Variants in TMEM178B observed in about 807,000 individuals in gnomAD.
TMEM178B encodes transmembrane protein 178B.
Under a neutral mutation model 31.0 loss-of-function variants are expected in TMEM178B, and 5 were observed. That is an observed-to-expected ratio of 0.16 (90% CI 0.08 to 0.34). The LOEUF (loss-of-function observed/expected upper bound fraction) is 0.34. Ranked by LOEUF, TMEM178B falls within the 10% of genes least tolerant of loss-of-function variation. The pLI is 1.00. For synonymous variants in TMEM178B, 164 were observed against 164.0 expected (o/e 1.00, Z 0.00); for missense variants, 275 against 400.3 (o/e 0.69, Z 2.67).
chr7:141,404,809 C>A (rs1361138186), intron 2 of TMEM178B, among the ~76,000 whole-genome samples: 2 of 152,184 alleles, frequency 1.3e-5, no homozygotes, highest in African/African-American at 4.8e-5. Context: ...AAGTTTCCTG[C>A]CTTTTCTGAG....
At chr7:141,379,313 A>G (rs1469999844) in intron 2 of TMEM178B, among the ~76,000 whole-genome samples, 1 of 147,294 alleles carries the variant, frequency 6.8e-6, no homozygotes, top group Non-Finnish European at 1.5e-5. Flanking sequence ...CTAAAAAAAA[A>G]AAAAAAATTA....
chr7:141,445,564 A>G (rs1026497525), intron 3 of TMEM178B, among the ~76,000 whole-genome samples: 45 of 152,240 alleles, frequency 3.0e-4, no homozygotes, highest in Admixed American at 2.0e-3. Flanking sequence ...AGGAGGCATT[A>G]TATCTCAAAC....
chr7:141,376,072 T>C (rs535662187), intron 2 of TMEM178B, among the ~76,000 whole-genome samples: 1 of 152,228 alleles, frequency 6.6e-6, no homozygotes, highest in African/African-American at 2.4e-5. Context: ...GCCTTCAGCA[T>C]TTGTCTCCCT....
intron 1 of TMEM178B, among the ~76,000 whole-genome samples, chr7:141,088,135 T>C (rs1337452908): frequency 6.6e-6 from 1 of 152,150 alleles, no homozygotes; most frequent in Non-Finnish European, 1.5e-5. Context: ...CCTTCCACTT[T>C]GGAAAAGCCT....
chr7:141,136,400 A>C (rs1795675778), intron 1 of TMEM178B, among the ~76,000 whole-genome samples: 1 of 152,172 alleles, frequency 6.6e-6, no homozygotes, highest in Non-Finnish European at 1.5e-5. Context: ...AAGACATAAG[A>C]CTAAAACTAT....
intron 1 of TMEM178B, among the ~76,000 whole-genome samples, chr7:141,100,328 TTTGA>T (rs1282361773): frequency 1.9e-4 from 29 of 152,162 alleles, no homozygotes; most frequent in African/African-American, 6.8e-4. Flanking sequence ...CTTTGGAACT[TTTGA>T]TTGAGTGGTC....
intron 2 of TMEM178B, among the ~76,000 whole-genome samples, chr7:141,242,222 T>G (rs1797634777): frequency 6.6e-6 from 1 of 152,192 alleles, no homozygotes; most frequent in African/African-American, 2.4e-5. Flanking sequence ...CAAACAAAGT[T>G]GTGTTTAGTG....
intron 1 of TMEM178B, among the ~76,000 whole-genome samples, chr7:141,111,001 G>C (rs537743141): frequency 6.6e-6 from 1 of 152,356 alleles, no homozygotes; most frequent in African/African-American, 2.4e-5. Flanking sequence ...TTCCAGAAAT[G>C]AGAGGAAGTA....
chr7:141,217,939 A>C (rs1033900177), intron 2 of TMEM178B, among the ~76,000 whole-genome samples: 1 of 152,056 alleles, frequency 6.6e-6, no homozygotes, highest in African/African-American at 2.4e-5. Flanking sequence ...AGAAACCCAG[A>C]GGTGTTTTTT....
intron 2 of TMEM178B, among the ~76,000 whole-genome samples, chr7:141,258,847 C>T (rs1797970220): frequency 6.6e-6 from 1 of 152,106 alleles, no homozygotes; most frequent in South Asian, 2.1e-4. Flanking sequence ...TTATTGTTCT[C>T]CTATATATAT....
At chr7:141,134,614 A>T (rs937782924) in intron 1 of TMEM178B, among the ~76,000 whole-genome samples, 18 of 152,234 alleles carry the variant, frequency 1.2e-4, no homozygotes, top group African/African-American at 4.1e-4. Context: ...GAAAGAAAGG[A>T]ACAAAGAATA....
chr7:141,409,669 A>G (rs1800945393), intron 2 of TMEM178B, among the ~76,000 whole-genome samples: 1 of 151,938 alleles, frequency 6.6e-6, no homozygotes, highest in Non-Finnish European at 1.5e-5. Flanking sequence ...TTCAAGAAAG[A>G]GAACAGCAAG....
intron 1 of TMEM178B, among the ~76,000 whole-genome samples, chr7:141,125,100 CA>C (rs904898340): frequency 1.3e-5 from 2 of 152,182 alleles, no homozygotes; most frequent in Admixed American, 1.3e-4. Flanking sequence ...AAAAATGCTT[CA>C]AGAGAATGTC....
chr7:141,207,453 C>T (rs1364978614), intron 1 of TMEM178B, among the ~76,000 whole-genome samples: 1 of 152,132 alleles, frequency 6.6e-6, no homozygotes, highest in African/African-American at 2.4e-5. Flanking sequence ...ATATGATTTA[C>T]TTATTTATTT....
In TMEM178B at chr7:141,338,027, T is replaced by C. The variant is rs150366442; in HGVS notation, c.497-99581T>C. Among the ~76,000 whole-genome samples the C allele has an allele frequency of 9.1e-3, 1,387 of 152,204 alleles. 19 individuals are homozygous for C. Among genetic ancestry groups the C allele is most frequent in the African/African-American group, 0.029 (1,214 of 41,524 alleles). On this transcript the variant is annotated intron_variant, in intron 2 of 3. Transcript: ENST00000565468. Reference sequence around the variant, plus strand: ...TAATTTTTTGTATTTTTAGTAGAGATGGGGTTTCACCAGGTTAGCCAGGAT... The same window carrying C: ...TAATTTTTTGTATTTTTAGTAGAGACGGGGTTTCACCAGGTTAGCCAGGAT...
intron 3 of TMEM178B, among the ~76,000 whole-genome samples, chr7:141,455,797 G>C (rs1413129421): frequency 3.3e-5 from 5 of 152,352 alleles, no homozygotes; most frequent in African/African-American, 1.2e-4. Flanking sequence ...CTTGGGTTTA[G>C]GTTTTCATCT....
At chr7:141,204,040 G>T (rs1388433011) in intron 1 of TMEM178B, among the ~76,000 whole-genome samples, 1 of 152,162 alleles carries the variant, frequency 6.6e-6, no homozygotes, top group African/African-American at 2.4e-5. Context: ...CAAAGTAACC[G>T]CAAGACTAAA....
intron 1 of TMEM178B, among the ~76,000 whole-genome samples, chr7:141,196,989 G>C (rs918856036): frequency 6.6e-6 from 1 of 152,176 alleles, no homozygotes; most frequent in African/African-American, 2.4e-5. Flanking sequence ...GCCAGAAGAA[G>C]ACAGGATGAT....
intron 2 of TMEM178B, among the ~76,000 whole-genome samples, chr7:141,357,949 A>G (rs1261115621): frequency 6.6e-6 from 1 of 152,184 alleles, no homozygotes; most frequent in Non-Finnish European, 1.5e-5. Flanking sequence ...CAGACTACAG[A>G]GTCCCAAGAT....
Sources: gnomAD v4.1 joint callset for allele counts (sites outside exome capture counted in the v4.1 genomes callset) on GRCh38, gnomAD v4.1.1 for gene constraint, MANE v1.5 for transcripts, NCBI Gene and HGNC (gene_info 2026-07-23, HGNC 2026-07-21) for gene names.